The following LSAMP variants were observed in gnomAD, a reference collection of about 807,000 sequenced individuals.
LSAMP encodes the protein limbic system associated membrane protein, also known as limbic system-associated membrane protein.
LSAMP carries 7 observed loss-of-function variants against 38.6 expected under a neutral mutation model. That is an observed-to-expected ratio of 0.18 (90% CI 0.10 to 0.34). The LOEUF (loss-of-function observed/expected upper bound fraction) is 0.34, where lower values mean the gene tolerates loss of function less well. LSAMP is among the 10% of genes least tolerant of loss of function. The pLI is 1.00. For synonymous variants in LSAMP, 154 were observed against 166.8 expected (o/e 0.92, Z 0.59); for missense variants, 313 against 420.0 (o/e 0.75, Z 2.23).
chr3:115,858,135 ATCTC>A (rs67994060), intron 3 of LSAMP, among the ~76,000 whole-genome samples: 7,682 of 144,050 alleles, frequency 0.053, 421 homozygotes, highest in African/African-American at 0.15. Context: ...CCGTCCTCCC[ATCTC>A]TCTCTCTCTC....
chr3:115,850,888 A>C (rs1338673093), intron 4 of LSAMP, among the ~76,000 whole-genome samples: 1 of 152,214 alleles, frequency 6.6e-6, no homozygotes, highest in African/African-American at 2.4e-5. Flanking sequence ...CAGTTTCCAT[A>C]TTTCTAAAGT....
chr3:116,410,575 T>C (rs1351403697), intron 1 of LSAMP, among the ~76,000 whole-genome samples: 1 of 152,088 alleles, frequency 6.6e-6, no homozygotes, highest in Non-Finnish European at 1.5e-5. Flanking sequence ...TAACTTCTTT[T>C]CTTACGAAAA....
intron 1 of LSAMP, among the ~76,000 whole-genome samples, chr3:116,165,259 A>G (rs1398218454): frequency 6.6e-6 from 1 of 152,216 alleles, no homozygotes; most frequent in East Asian, 1.9e-4. Flanking sequence ...GACACAGTCC[A>G]GCTATACGCT....
chr3:115,928,980 T>G (rs1937534752), intron 3 of LSAMP, among the ~76,000 whole-genome samples: 1 of 148,984 alleles, frequency 6.7e-6, no homozygotes, highest in African/African-American at 2.5e-5. Flanking sequence ...TTTGTTTTTT[T>G]TTTTTTTTTT....
intron 1 of LSAMP, among the ~76,000 whole-genome samples, chr3:116,098,281 C>G (rs1230844160): frequency 1.3e-5 from 2 of 151,908 alleles, no homozygotes; most frequent in Non-Finnish European, 2.9e-5. Flanking sequence ...GGAGGATCAC[C>G]TGAGATCAGG....
chr3:115,887,393 T>G (rs1936482896), intron 3 of LSAMP, among the ~76,000 whole-genome samples: 1 of 151,960 alleles, frequency 6.6e-6, no homozygotes, highest in African/African-American at 2.4e-5. Context: ...TTTTAATAAC[T>G]AGCAATAACA....
chr3:116,209,930 A>G (rs1438114296), intron 1 of LSAMP, among the ~76,000 whole-genome samples: 10 of 151,728 alleles, frequency 6.6e-5, no homozygotes. Context: ...TTTTTTTTGT[A>G]TATTTAGTAG....
chr3:116,139,629 T>C (rs975708556), intron 1 of LSAMP, among the ~76,000 whole-genome samples: 2 of 152,004 alleles, frequency 1.3e-5, no homozygotes, highest in African/African-American at 4.8e-5. Context: ...TTGTATTGCC[T>C]AAGTCTTTCA....
intron 1 of LSAMP, among the ~76,000 whole-genome samples, chr3:116,088,710 A>C (rs572093844): frequency 1.5e-4 from 23 of 152,284 alleles, no homozygotes; most frequent in African/African-American, 5.5e-4. Flanking sequence ...GATTTGCTAC[A>C]TTATAGATGT....
chr3:116,024,787 G>GTAT (rs914850972), intron 2 of LSAMP, among the ~76,000 whole-genome samples: 10 of 150,568 alleles, frequency 6.6e-5, no homozygotes, highest in African/African-American at 1.2e-4. Flanking sequence ...GAAGTAAAAT[G>GTAT]TATTATTATT....
chr3:116,358,142 G>T (rs1242136120), intron 1 of LSAMP, among the ~76,000 whole-genome samples: 2 of 152,120 alleles, frequency 1.3e-5, no homozygotes, highest in Non-Finnish European at 2.9e-5. Context: ...AATGCTTCAT[G>T]GTTGACAGGC....
intron 3 of LSAMP, among the ~76,000 whole-genome samples, chr3:115,980,621 A>G (rs1939329852): frequency 6.6e-6 from 1 of 152,182 alleles, no homozygotes; most frequent in South Asian, 2.1e-4. Flanking sequence ...CCATTTTGGA[A>G]CACTTAGATA....
chr3:116,115,837 T>C (rs377620573), intron 1 of LSAMP, among the ~76,000 whole-genome samples: 10 of 152,152 alleles, frequency 6.6e-5, no homozygotes, highest in Middle Eastern at 3.4e-3. Flanking sequence ...TTTGTTGTTG[T>C]TTTTTGTTTC....
At chr3:115,861,135 T>C (rs1402303874) in intron 3 of LSAMP, among the ~76,000 whole-genome samples, 3 of 5,450 alleles carry the variant, frequency 5.5e-4, no homozygotes, top group African/African-American at 1.0e-3. Flanking sequence ...CTTTCTTTCC[T>C]TCCTTCCTTC....
At chr3:116,319,081 T>C (rs968399355) in intron 1 of LSAMP, among the ~76,000 whole-genome samples, 2 of 152,170 alleles carry the variant, frequency 1.3e-5, no homozygotes, top group Non-Finnish European at 2.9e-5. Context: ...AGGGGAATAA[T>C]GCAAACAGTA....
intron 1 of LSAMP, among the ~76,000 whole-genome samples, chr3:116,354,753 G>T (rs2048195944): frequency 6.6e-6 from 1 of 152,012 alleles, no homozygotes; most frequent in African/African-American, 2.4e-5. Context: ...TATCATCAAT[G>T]GTTTTGTACT....
intron 3 of LSAMP, among the ~76,000 whole-genome samples, chr3:115,860,034 G>A (rs1331232414): frequency 6.6e-6 from 1 of 152,208 alleles, no homozygotes; most frequent in Non-Finnish European, 1.5e-5. Flanking sequence ...CTTTACCACT[G>A]TAAAAACCAC....
At chr3:115,975,387 T>C (rs1221061633) in intron 3 of LSAMP, among the ~76,000 whole-genome samples, 1 of 152,218 alleles carries the variant, frequency 6.6e-6, no homozygotes, top group Non-Finnish European at 1.5e-5. Context: ...GGGTAAAGTT[T>C]TAGCATTTTC....
intron 6 of LSAMP, among the ~76,000 whole-genome samples, chr3:115,837,362 T>C (rs7634813): frequency 0.12 from 18,307 of 152,076 alleles, 2,114 homozygotes; most frequent in African/African-American, 0.31. Context: ...CCACACATTT[T>C]TCTAAAGTAC....
Sources: allele counts gnomAD v4.1 joint callset (sites outside exome capture counted in the v4.1 genomes callset), GRCh38; gene constraint gnomAD v4.1.1; transcripts MANE v1.5; gene names NCBI Gene and HGNC (gene_info 2026-07-23, HGNC 2026-07-21).